E2F6: variants seen among roughly 807,000 people sequenced by gnomAD.
E2F6 encodes E2F transcription factor 6.
A neutral mutation model predicts 31.5 loss-of-function variants in E2F6; 19 were observed. That is an observed-to-expected ratio of 0.60 (90% confidence interval 0.42 to 0.89). E2F6 has a LOEUF of 0.89. Among genes scored for constraint, E2F6 ranks in the 40% least tolerant of loss-of-function variants. The pLI, the probability that E2F6 is intolerant of heterozygous loss-of-function variation, is 0.00. For synonymous variants in E2F6, 121 were observed against 127.7 expected, an observed-to-expected ratio of 0.95 and a Z score of 0.36; for missense variants, 269 against 341.6, an observed-to-expected ratio of 0.79 and a Z score of 1.67.
intron 2 of E2F6, among the ~76,000 whole-genome samples, chr2:11,456,078 G>A (rs1671385988): frequency 6.6e-6 from 1 of 152,206 alleles, no homozygotes; most frequent in African/African-American, 2.4e-5. Context: ...GCTGGAAGAA[G>A]AGGCTGCGGC....
At chr2:11,457,308 G>A (rs1671466808) in intron 1 of E2F6, 75 bp from the exon 2 acceptor site, 1 of 915,222 alleles carries the variant, frequency 1.1e-6, no homozygotes, top group Non-Finnish European at 1.7e-6. Context: ...TTACTCAATA[G>A]TATAAAGGTC....
At chr2:11,463,651 C>T (rs1671924722) in intron 1 of E2F6, among the ~76,000 whole-genome samples, 1 of 151,594 alleles carries the variant, frequency 6.6e-6, no homozygotes, top group Admixed American at 6.6e-5. Flanking sequence ...GAAGAGAACC[C>T]TGAATAATAC....
At chr2:11,458,390 G>A (rs1367973304) in intron 1 of E2F6, 3 of 1,545,632 alleles carry the variant, frequency 1.9e-6, no homozygotes, top group African/African-American at 1.4e-5. Context: ...TTGTGGTACC[G>A]GAAATGAACA....
At chr2:11,452,850 T>C (rs928517164) in intron 3 of E2F6, among the ~76,000 whole-genome samples, 2 of 152,208 alleles carry the variant, frequency 1.3e-5, no homozygotes, top group African/African-American at 4.8e-5. Context: ...ATGCTCAAAT[T>C]AGAATTCAAC....
chr2:11,457,650 GCA>G (rs1178164270), intron 1 of E2F6, among the ~76,000 whole-genome samples: 1 of 151,946 alleles, frequency 6.6e-6, no homozygotes, highest in Non-Finnish European at 1.5e-5. Flanking sequence ...AAAAAAACAT[GCA>G]CACACACACA....
intron 6 of E2F6, 138 bp downstream of exon 6, chr2:11,447,489 T>C (rs768552846): frequency 2.2e-6 from 2 of 919,538 alleles, no homozygotes; most frequent in Non-Finnish European, 3.3e-6. Flanking sequence ...TATTCTAAAC[T>C]ACAGTAAGAG....
chr2:11,449,566 T>A (rs1670931325), intron 5 of E2F6, among the ~76,000 whole-genome samples: 1 of 152,262 alleles, frequency 6.6e-6, no homozygotes, highest in South Asian at 2.1e-4. Flanking sequence ...ACAGAAATCC[T>A]ACTTTTCCAT....
At chr2:11,448,345 T>C (rs1021879501) in intron 5 of E2F6, among the ~76,000 whole-genome samples, 5 of 152,214 alleles carry the variant, frequency 3.3e-5, no homozygotes, top group African/African-American at 7.2e-5. Flanking sequence ...GTGCTTCTAC[T>C]GGGAATTATG....
At position 11,465,760 on chromosome 2, in the gene E2F6, C is replaced by A; in HGVS notation, c.108+12G>T. The A allele has an allele frequency of 6.3e-7, 1 of 1,580,360 alleles. No homozygotes were observed. Among genetic ancestry groups the A allele is most frequent in the Admixed American group, 1.8e-5 (1 of 54,816 alleles). ...AGACCACCGCCCGTCCCCGTCCCGT[C>A]CCGGAGCTTACCAGCAGGCCCTCCA... On this transcript the variant is annotated intron_variant, in intron 1 of 6. Coordinates refer to ENST00000381525, the MANE Select transcript of E2F6 (RefSeq NM_198256.4).
intron 2 of E2F6, chr2:11,455,505 TTAAA>T: frequency 2.3e-6 from 3 of 1,281,300 alleles, no homozygotes; most frequent in Non-Finnish European, 3.1e-6. Flanking sequence ...AATTAGGAAT[TTAAA>T]AGGATTTTTA....
At position 11,466,072 on chromosome 2, in the gene E2F6, G is replaced by C. The variant is rs1394414195; in HGVS notation, c.-193C>G. 3.8e-6 allele frequency: 2 copies of C among 528,160 alleles called. No individual in the cohort carries two copies. Among genetic ancestry groups the C allele is most frequent in the East Asian group, 7.0e-5 (2 of 28,584 alleles). The allele number at this position is 528,160 out of a possible 1,614,324, so 32.7% of individuals were successfully genotyped here. A position where few individuals can be genotyped will look rare whatever the true frequency, so the allele number is the denominator to read the frequency against. ...AAACGCGGCACGGCCTCACGTGCCC[G>C]GGAGCTCCCGACGCAGACGGAAAAA... On this transcript the variant is annotated 5_prime_UTR_variant, in exon 1 of 7. Transcript: ENST00000381525.
rs1341318486 is a variant in E2F6, at chr2:11,445,533, C to A, written c.*944G>T. On this transcript the variant is annotated 3_prime_UTR_variant, in exon 7 of 7. Coordinates refer to ENST00000381525, the MANE Select transcript of E2F6 (RefSeq NM_198256.4). ...AAGGTACAACTTGTCCTAAGTAAAA[C>A]CCCTTGGACTGACTCAACAGCAAGG... 1 of 152,290 alleles carries A rather than the reference C, an allele frequency of 6.6e-6. No individual in the cohort carries two copies. Among genetic ancestry groups the A allele is most frequent in the African/African-American group, 2.4e-5 (1 of 41,422 alleles). 9.4% of individuals were successfully genotyped at this position (152,290 alleles called of 1,614,324 possible).
chr2:11,462,873 C>T (rs1161638820), intron 1 of E2F6, among the ~76,000 whole-genome samples: 1 of 152,124 alleles, frequency 6.6e-6, no homozygotes, highest in Non-Finnish European at 1.5e-5. Context: ...TGGGGGACCA[C>T]AGGTTAACTG....
intron 1 of E2F6, among the ~76,000 whole-genome samples, chr2:11,459,489 T>C (rs1387756919): frequency 6.6e-6 from 1 of 151,492 alleles, no homozygotes. Flanking sequence ...CATTCATTTG[T>C]TTTTTTTTCC....
In E2F6 at chr2:11,447,324, T is replaced by C. The variant is rs376806591; in HGVS notation, c.799+303A>G. Among the ~76,000 whole-genome samples, 117 of 152,314 alleles carry C rather than the reference T, an allele frequency of 7.7e-4. 1 individual carries two copies. In the South Asian group the frequency reaches 0.023, roughly 30 times the overall value. On this transcript the variant is annotated intron_variant, in intron 6 of 6. Transcript: ENST00000381525. ...AAGGGGAAGTCTCCCGGCCAGGTCATGGGCAGGCTCTTTGGCCGAGTGGAG... is the reference window on the plus strand; with the variant it reads ...AAGGGGAAGTCTCCCGGCCAGGTCACGGGCAGGCTCTTTGGCCGAGTGGAG...
chr2:11,464,990 C>T lies in E2F6; in HGVS notation c.108+782G>A, dbSNP rs543561035. Among the ~76,000 whole-genome samples the T allele has an allele frequency of 2.6e-5, 4 of 151,814 alleles. No homozygotes were observed. In the East Asian group the frequency reaches 7.8e-4, roughly 29 times the overall value. On this transcript the variant is annotated intron_variant, in intron 1 of 6. Coordinates refer to ENST00000381525, the MANE Select transcript of E2F6 (RefSeq NM_198256.4). ...CGTCAGGAGTTCGAGACCAGCCTGG[C>T]CAACACGGCGAAATCCCGTCTCTAC...
intron 4 of E2F6, chr2:11,451,344 CTAACTTTTTTT>C: frequency 8.8e-6 from 1 of 113,738 alleles, no homozygotes; most frequent in Non-Finnish European, 1.9e-5. Context: ...CAACTTTTAC[CTAACTTTTTTT>C]TTTTTTTTTT....
chr2:11,453,850 T>C, intron 2 of E2F6, 52 bp from the exon 3 acceptor site: 2 of 1,484,630 alleles, frequency 1.3e-6, no homozygotes, highest in Non-Finnish European at 1.8e-6. Context: ...ATTTCTCAAC[T>C]CATTTTTAAA....
chr2:11,450,229 G>T, intron 4 of E2F6, 103 bp from the exon 5 acceptor site: 5 of 585,808 alleles, frequency 8.5e-6, no homozygotes, highest in Non-Finnish European at 1.1e-5. Flanking sequence ...AATGTTTTTA[G>T]TTTTTATGAG....
Sources: gnomAD v4.1 joint callset for allele counts (sites outside exome capture counted in the v4.1 genomes callset) on GRCh38, gnomAD v4.1.1 for gene constraint, MANE v1.5 for transcripts, NCBI Gene and HGNC (gene_info 2026-07-23, HGNC 2026-07-21) for gene names.